SORCS3: variants seen among roughly 807,000 people sequenced by gnomAD.
SORCS3 encodes VPS10 domain-containing receptor SorCS3.
Under a neutral mutation model 146.3 loss-of-function variants are expected in SORCS3, and 57 were observed. That is an observed-to-expected ratio of 0.39 (90% CI 0.31 to 0.49). The LOEUF (loss-of-function observed/expected upper bound fraction) is 0.49, where lower values mean the gene tolerates loss of function less well. Ranked by LOEUF, SORCS3 falls within the 20% of genes least tolerant of loss-of-function variation. SORCS3 has a pLI of 0.92. For missense variants in SORCS3, 1,341 were observed against 1,575.5 expected (o/e 0.85, Z 2.52); for synonymous variants, 653 against 618.5 (o/e 1.06, Z -0.83).
At chr10:104,645,543 C>T (rs2015484102) in intron 1 of SORCS3, among the ~76,000 whole-genome samples, 1 of 152,232 alleles carries the variant, frequency 6.6e-6, no homozygotes, top group Non-Finnish European at 1.5e-5. Context: ...TCCAGCAGCG[C>T]ACTCGAAGTG....
chr10:104,832,992 G>A (rs1260938837), intron 1 of SORCS3, among the ~76,000 whole-genome samples: 1 of 152,206 alleles, frequency 6.6e-6, no homozygotes, highest in Non-Finnish European at 1.5e-5. Context: ...TCACATGGGT[G>A]TCAGCTCCCA....
chr10:104,656,447 A>C lies in SORCS3; in HGVS notation c.627+14493A>C, dbSNP rs79990599. On this transcript the variant is annotated intron_variant, in intron 1 of 26. Transcript: ENST00000369701. ...TGAGGAAGGGAGATCCCCTGAGCCCAGGAGTTTGAGAGGCAACATGGAGAA... is the reference window on the plus strand; with the variant it reads ...TGAGGAAGGGAGATCCCCTGAGCCCCGGAGTTTGAGAGGCAACATGGAGAA... 1.1e-3 allele frequency among the ~76,000 whole-genome samples: 160 copies of C among 152,266 alleles called. 3 individuals are homozygous for C. The East Asian group carries it at 0.029, about 28-fold the overall frequency.
chr10:105,201,106 A>G lies in SORCS3; in HGVS notation c.2128-14A>G, dbSNP rs951817699. 3 of 1,609,016 alleles carry G rather than the reference A, an allele frequency of 1.9e-6. No homozygotes were observed. The highest frequency in any genetic ancestry group is 2.5e-6 in the Non-Finnish European group (3 of 1,178,396). ...TGTTTTTCTGTCTCTCACACTATGG[A>G]ATTTCTCTCTAAGGGAGAGCCTTGT... On this transcript the variant is annotated splice_polypyrimidine_tract_variant and intron_variant, in intron 15 of 26. Transcript: ENST00000369701.
chr10:105,013,508 C>G (rs1319982559), intron 4 of SORCS3, among the ~76,000 whole-genome samples: 1 of 152,000 alleles, frequency 6.6e-6, no homozygotes, highest in African/African-American at 2.4e-5. Context: ...TAAGTTATTT[C>G]AAGCAAAATC....
intron 4 of SORCS3, among the ~76,000 whole-genome samples, chr10:105,014,743 G>A (rs2055155515): frequency 6.6e-6 from 1 of 152,142 alleles, no homozygotes; most frequent in Non-Finnish European, 1.5e-5. Context: ...TAGGAGGTGG[G>A]ACCTTTGGAA....
chr10:104,751,969 A>ATATATATATATATATATATATAT (rs3976798), intron 1 of SORCS3, among the ~76,000 whole-genome samples: 1 of 123,370 alleles, frequency 8.1e-6, no homozygotes, highest in Non-Finnish European at 1.7e-5. Context: ...ATATATATAT[A>ATATATATATATATATATATATAT]ATAGTTTAGC....
intron 4 of SORCS3, among the ~76,000 whole-genome samples, chr10:105,028,080 A>G (rs2055242543): frequency 6.6e-6 from 1 of 152,206 alleles, no homozygotes; most frequent in Admixed American, 6.5e-5. Flanking sequence ...GTGGCTTTAT[A>G]GATCATAACT....
At chr10:105,255,119 G>C (rs912309881) in intron 23 of SORCS3, among the ~76,000 whole-genome samples, 2 of 150,622 alleles carry the variant, frequency 1.3e-5, no homozygotes, top group East Asian at 3.9e-4. Flanking sequence ...ACCCGGGGGG[G>C]CGGAGCCTGC....
intron 19 of SORCS3, among the ~76,000 whole-genome samples, chr10:105,222,169 C>T (rs2056707552): frequency 6.7e-6 from 1 of 149,960 alleles, no homozygotes; most frequent in Non-Finnish European, 1.5e-5. Flanking sequence ...AGTGATTCTC[C>T]TGCCTCAGCC....
At chr10:105,061,111 A>G (rs557971516) in intron 5 of SORCS3, among the ~76,000 whole-genome samples, 1 of 152,140 alleles carries the variant, frequency 6.6e-6, no homozygotes, top group South Asian at 2.1e-4. Flanking sequence ...TAGACTTTAC[A>G]AATAATTTTT....
At chr10:104,879,127 A>G (rs1339676566) in intron 2 of SORCS3, among the ~76,000 whole-genome samples, 3 of 152,252 alleles carry the variant, frequency 2.0e-5, no homozygotes, top group African/African-American at 4.8e-5. Flanking sequence ...TATTAAAACT[A>G]TTGTAACAAA....
intron 4 of SORCS3, among the ~76,000 whole-genome samples, chr10:104,985,219 A>T (rs1262930701): frequency 6.6e-6 from 1 of 152,180 alleles, no homozygotes; most frequent in African/African-American, 2.4e-5. Flanking sequence ...TGGAATATTT[A>T]AAATTCTTTC....
chr10:104,874,084 C>T (rs534840414), intron 2 of SORCS3, among the ~76,000 whole-genome samples: 81 of 152,120 alleles, frequency 5.3e-4, no homozygotes, highest in Non-Finnish European at 9.4e-4. Flanking sequence ...GGGAGCTTAT[C>T]CTGAACATGG....
intron 16 of SORCS3, among the ~76,000 whole-genome samples, chr10:105,207,133 T>C (rs1219999004): frequency 6.6e-6 from 1 of 152,120 alleles, no homozygotes; most frequent in African/African-American, 2.4e-5. Context: ...GAGTCTCCAT[T>C]ATCACCTCTG....
chr10:104,911,983 A>AT (rs1428007866), intron 2 of SORCS3, among the ~76,000 whole-genome samples: 1 of 152,042 alleles, frequency 6.6e-6, no homozygotes, highest in Non-Finnish European at 1.5e-5. Flanking sequence ...CCTGTTAGCA[A>AT]TTTTTCATCC....
chr10:105,195,018 A>G (rs1385125534), intron 14 of SORCS3, among the ~76,000 whole-genome samples: 1 of 152,220 alleles, frequency 6.6e-6, no homozygotes, highest in Non-Finnish European at 1.5e-5. Flanking sequence ...GAAAGAGCTC[A>G]GTGTTGCCAG....
intron 2 of SORCS3, among the ~76,000 whole-genome samples, chr10:104,897,292 T>A (rs2018807883): frequency 6.6e-6 from 1 of 152,190 alleles, no homozygotes; most frequent in Non-Finnish European, 1.5e-5. Context: ...TCACACGAAG[T>A]CATTGACTAT....
intron 20 of SORCS3, among the ~76,000 whole-genome samples, chr10:105,235,186 G>A (rs151296279): frequency 3.6e-4 from 55 of 152,198 alleles, no homozygotes; most frequent in African/African-American, 1.3e-3. Flanking sequence ...ACTTCCCGTA[G>A]CTTAGTTGGA....
At chr10:105,212,184 T>C (rs2056638043) in intron 17 of SORCS3, among the ~76,000 whole-genome samples, 1 of 152,030 alleles carries the variant, frequency 6.6e-6, no homozygotes, top group African/African-American at 2.4e-5. Flanking sequence ...AAGGAAAAAA[T>C]ATGATGAAAA....
Sources: gnomAD v4.1 joint callset for allele counts (sites outside exome capture counted in the v4.1 genomes callset) on GRCh38, gnomAD v4.1.1 for gene constraint, MANE v1.5 for transcripts, NCBI Gene and HGNC (gene_info 2026-07-23, HGNC 2026-07-21) for gene names.